SEC14L4: variants seen among roughly 807,000 people sequenced by gnomAD.
SEC14L4 encodes the protein SEC14 like lipid binding 4, also known as SEC14-like protein 4.
A neutral mutation model predicts 55.1 loss-of-function variants in SEC14L4; 42 were observed. The observed-to-expected ratio is 0.76, with a 90% confidence interval of 0.60 to 0.99. The LOEUF (loss-of-function observed/expected upper bound fraction) is 0.99, where lower values mean the gene tolerates loss of function less well. Among genes scored for constraint, SEC14L4 ranks in the 50% least tolerant of loss-of-function variants. SEC14L4 has a pLI of 0.00. For missense variants in SEC14L4, 445 were observed against 512.1 expected (o/e 0.87, Z 1.27); for synonymous variants, 206 against 206.8 (o/e 1.00, Z 0.03).
chr22:30,492,226 T>G, intron 8 of SEC14L4, 71 bp from the exon 9 acceptor site: 1 of 1,544,740 alleles, frequency 6.5e-7, no homozygotes. Context: ...GGGCTGAGCT[T>G]GGTGAGGGAA....
intron 2 of SEC14L4, among the ~76,000 whole-genome samples, chr22:30,503,107 C>T (rs1027367498): frequency 1.3e-5 from 2 of 152,224 alleles, no homozygotes; most frequent in African/African-American, 4.8e-5. Flanking sequence ...TGGCTGTTAA[C>T]TGTAACCTCA....
chr22:30,501,130 A>C (rs1936307863), intron 2 of SEC14L4, among the ~76,000 whole-genome samples: 1 of 152,122 alleles, frequency 6.6e-6, no homozygotes, highest in Non-Finnish European at 1.5e-5. Context: ...GGCCCGGGAG[A>C]GGGTCCTCTA....
intron 2 of SEC14L4, 58 bp downstream of exon 2, chr22:30,503,619 C>T: frequency 7.7e-7 from 1 of 1,304,806 alleles, no homozygotes; most frequent in African/African-American, 1.5e-5. Context: ...CCACTCCTCT[C>T]CTGAGACCCT....
chr22:30,504,843 G>A (rs924158250), intron 1 of SEC14L4, among the ~76,000 whole-genome samples: 5 of 152,144 alleles, frequency 3.3e-5, no homozygotes, highest in South Asian at 2.1e-4. Flanking sequence ...GAGGCCGGGC[G>A]CAGTGGCTCA....
At chr22:30,495,208 G>T in intron 5 of SEC14L4, 46 bp downstream of exon 5, 1 of 1,513,146 alleles carries the variant, frequency 6.6e-7, no homozygotes, top group Non-Finnish European at 8.9e-7. Flanking sequence ...TGGTCCTGGT[G>T]CCACCCTGTA....
At position 30,490,002 on chromosome 22, in the gene SEC14L4, G is replaced by A; in HGVS notation, c.*105C>T. 3.2e-6 allele frequency: 5 copies of A among 1,565,290 alleles called. No homozygotes were observed. Among genetic ancestry groups the A allele is most frequent in the Non-Finnish European group, 4.3e-6 (5 of 1,154,028 alleles). The stretch of plus-strand genomic sequence containing the variant: ...GAGATGAAATGGTGACGTGGGACAA[G>A]TGGCTCTCTGCAGCCACCTCCAGCA... On this transcript the variant is annotated 3_prime_UTR_variant, in exon 12 of 12. Coordinates refer to ENST00000255858, the MANE Select transcript of SEC14L4 (RefSeq NM_174977.4).
In SEC14L4 at chr22:30,489,899, T is replaced by C. The variant is rs773745533; in HGVS notation, c.*208A>G. The stretch of plus-strand genomic sequence containing the variant: ...ATTCTCTGGGAACAGGGAAAGAGGT[T>C]CCTGTCTGAATCTTCAGCATGGGCT... On this transcript the variant is annotated 3_prime_UTR_variant, in exon 12 of 12. Transcript: ENST00000255858. The C allele has an allele frequency of 3.2e-6, 5 of 1,551,682 alleles. No homozygotes were observed. The African/African-American group carries it at 6.8e-5, about 21-fold the overall frequency.
rs147924003 is a variant in SEC14L4 at position 30,497,065 on chromosome 22, G to A, written c.131-1094C>T. ...TTCCAGAAATCACTCCCGGCCAGGC[G>A]TGGTGGCTCACGCCTGTAATTCCAG... On this transcript the variant is annotated intron_variant, in intron 2 of 11. Coordinates refer to ENST00000255858, the MANE Select transcript of SEC14L4 (RefSeq NM_174977.4). Among the ~76,000 whole-genome samples, 95 of 152,234 alleles carry A rather than the reference G, an allele frequency of 6.2e-4. 1 individual carries two copies. In the East Asian group the frequency reaches 0.015, roughly 25 times the overall value.
chr22:30,503,318 G>A (rs1014813362), intron 2 of SEC14L4, among the ~76,000 whole-genome samples: 2 of 151,432 alleles, frequency 1.3e-5, no homozygotes, highest in African/African-American at 4.9e-5. Context: ...AGGCTGGAGT[G>A]CAATGGCGGG....
intron 7 of SEC14L4, 31 bp downstream of exon 7, chr22:30,494,119 C>T: frequency 1.9e-6 from 3 of 1,556,790 alleles, no homozygotes; most frequent in Admixed American, 1.7e-5. Flanking sequence ...GCTTCTCCCT[C>T]CCCAGGAGGT....
intron 7 of SEC14L4, 80 bp from the exon 8 acceptor site, chr22:30,492,637 G>A (rs1284092019): frequency 1.8e-6 from 2 of 1,107,162 alleles, no homozygotes; most frequent in African/African-American, 1.5e-5. Flanking sequence ...AGCAGGTGCT[G>A]GACAGGAGGT....
rs1053157377 is a variant in SEC14L4 at position 30,493,872 on chromosome 22, C to T, written c.580+278G>A. 9.2e-5 allele frequency among the ~76,000 whole-genome samples: 14 copies of T among 152,146 alleles called. No homozygotes were observed. The South Asian group carries it at 1.7e-3, about 18-fold the overall frequency. On this transcript the variant is annotated intron_variant, in intron 7 of 11. Transcript: ENST00000255858. ...TACAAAAATTAGCCAGGCATGGTGG[C>T]GTGCACCTGTAATCCCAGCTACTAG... is the stretch of plus-strand genomic sequence containing the variant.
At chr22:30,490,434 A>G in intron 11 of SEC14L4, 188 bp from the exon 12 acceptor site, 1 of 850,004 alleles carries the variant, frequency 1.2e-6, no homozygotes, top group South Asian at 1.8e-5. Flanking sequence ...GCCTGTGCCC[A>G]GCCCTAAGCC....
rs985835059 is a variant in SEC14L4 at position 30,491,276 on chromosome 22, CCCCTGACTCTAAGT to C, written c.1081+283_1081+296del. 4 of 426,532 alleles carry C rather than the reference CCCCTGACTCTAAGT, an allele frequency of 9.4e-6. No individual in the cohort carries two copies. The Admixed American group carries it at 1.1e-4, about 12-fold the overall frequency. 26.4% of individuals were successfully genotyped at this position (426,532 alleles called of 1,614,324 possible). ...CAACTGGGTGGTCCCCTTGCCAAGA[CCCCTGACTCTAAGT>C]CCATGGCCTCTTACTTACCTGTCTC... On this transcript the variant is annotated intron_variant, in intron 11 of 11. Transcript: ENST00000255858.
intron 8 of SEC14L4, 136 bp downstream of exon 8, chr22:30,492,338 C>T (rs1303868147): frequency 7.9e-6 from 9 of 1,132,602 alleles, no homozygotes; most frequent in Admixed American, 4.0e-5. Context: ...AGGCATTGCC[C>T]GTGCGTGTGG....
At chr22:30,495,513 G>C in intron 4 of SEC14L4, 70 bp downstream of exon 4, 1 of 1,609,660 alleles carries the variant, frequency 6.2e-7, no homozygotes, top group Non-Finnish European at 8.5e-7. Context: ...CAGGTGGCTG[G>C]ACGTGGTAGG....
chr22:30,492,114 G>A lies in SEC14L4; in HGVS notation c.706C>T (p.Gln236Ter), dbSNP rs1284647262. The A allele has an allele frequency of 6.2e-7, 1 of 1,613,750 alleles. No homozygotes were observed. The highest frequency in any genetic ancestry group is 2.2e-5 in the East Asian group (1 of 44,882). The change falls in exon 9 of 12, where the codon CAG becomes TAG. Residue 236 changes from glutamine to a stop codon, truncating the protein, a stop_gained. Transcript: ENST00000255858. LOFTEE classifies it high-confidence loss of function. ...GTCCCCCCAAACTCCACAGGCAGCT[G>A]GTCGGGGCTGATGAATTTTGTCAGC... ...QELTKFISPD[Q>*]LPVEFGGTMT...
chr22:30,492,723 G>A, intron 7 of SEC14L4, 166 bp from the exon 8 acceptor site: 1 of 614,080 alleles, frequency 1.6e-6, no homozygotes, highest in South Asian at 2.0e-5. Flanking sequence ...TCTTAGTGCA[G>A]TTAACTGGAA....
intron 7 of SEC14L4, among the ~76,000 whole-genome samples, chr22:30,493,243 T>C (rs1188387076): frequency 6.6e-6 from 1 of 152,180 alleles, no homozygotes; most frequent in Non-Finnish European, 1.5e-5. Context: ...TGGAATCTTC[T>C]TGGGTGTGAC....
Sources: gnomAD v4.1 joint callset for allele counts (sites outside exome capture counted in the v4.1 genomes callset) on GRCh38, gnomAD v4.1.1 for gene constraint, MANE v1.5 for transcripts, NCBI Gene and HGNC (gene_info 2026-07-23, HGNC 2026-07-21) for gene names.